KALRN: variants seen among roughly 807,000 people sequenced by gnomAD.
KALRN encodes the protein kalirin.
Under a neutral mutation model 353.7 loss-of-function variants are expected in KALRN, and 70 were observed. The observed-to-expected ratio is 0.20, with a 90% CI of 0.16 to 0.24. The LOEUF (loss-of-function observed/expected upper bound fraction) is 0.24, where lower values mean the gene tolerates loss of function less well. KALRN is among the 10% of genes least tolerant of loss of function. The pLI, the probability that KALRN is intolerant of heterozygous loss-of-function variation, is 1.00. For missense variants in KALRN, 2,791 were observed against 3,756.7 expected (o/e 0.74, Z 6.72); for synonymous variants, 1,391 against 1,434.8 (o/e 0.97, Z 0.69).
At chr3:124,642,878 G>T (rs1025916367) in intron 37 of KALRN, among the ~76,000 whole-genome samples, 1 of 138,072 alleles carries the variant, frequency 7.2e-6, no homozygotes, top group Non-Finnish European at 1.5e-5. Flanking sequence ...GTGCAATGGC[G>T]TGATCATGGC....
At chr3:124,091,830 A>G (rs1030031724) in intron 1 of KALRN, among the ~76,000 whole-genome samples, 1 of 152,162 alleles carries the variant, frequency 6.6e-6, no homozygotes, top group Admixed American at 6.5e-5. Context: ...CAACAACAAA[A>G]ACCTACTAAT....
At chr3:124,225,266 A>G (rs756631307) in intron 1 of KALRN, among the ~76,000 whole-genome samples, 3 of 152,218 alleles carry the variant, frequency 2.0e-5, no homozygotes, top group South Asian at 2.1e-4. Context: ...TTCAAAAGTT[A>G]TATGTAATTT....
In KALRN at chr3:124,217,333, C is replaced by A. The variant is rs114816611; in HGVS notation, c.74-10657C>A. Among the ~76,000 whole-genome samples the A allele has an allele frequency of 1.9e-3, 290 of 152,276 alleles. 1 individual carries two copies. The highest frequency in any genetic ancestry group is 6.5e-3 in the African/African-American group (271 of 41,546). The stretch of plus-strand genomic sequence containing the variant: ...AACTTAAATAGGGACTCAAAAATTG[C>A]TTAAAACTCCAGGAATCTTTCCATG... On this transcript the variant is annotated intron_variant, in intron 1 of 59. Coordinates refer to ENST00000682506, the MANE Select transcript of KALRN (RefSeq NM_001388419.1).
In KALRN at chr3:124,496,380, T is replaced by C; in HGVS notation, c.4902T>C (p.Ser1634=). 1.2e-6 allele frequency: 2 copies of C among 1,613,544 alleles called. No individual in the cohort carries two copies. Among genetic ancestry groups the C allele is most frequent in the Non-Finnish European group, 1.7e-6 (2 of 1,179,746 alleles). The change falls in exon 33 of 60, where the codon TCT becomes TCC. Residue 1634 remains serine (S), a synonymous_variant. Coordinates refer to ENST00000682506, the MANE Select transcript of KALRN (RefSeq NM_001388419.1). ...AACCAGACACCATCTCCATTGCTTC[T>C]AGGACCTCTCAGAACACAGTGGACA... ...SSQPDTISIA[S]RTSQNTVDSD...
intron 1 of KALRN, among the ~76,000 whole-genome samples, chr3:124,192,908 C>A (rs2075078310): frequency 6.6e-6 from 1 of 152,198 alleles, no homozygotes; most frequent in Admixed American, 6.5e-5. Context: ...GAAGCCCTAG[C>A]AAAGTAATAC....
intron 6 of KALRN, among the ~76,000 whole-genome samples, chr3:124,307,624 A>C (rs2077832095): frequency 6.6e-6 from 1 of 151,988 alleles, no homozygotes; most frequent in South Asian, 2.1e-4. Context: ...AATAACTCCC[A>C]AAATATAGTG....
At chr3:124,484,620 G>A (rs1225025012) in intron 28 of KALRN, among the ~76,000 whole-genome samples, 2 of 151,892 alleles carry the variant, frequency 1.3e-5, no homozygotes, top group Non-Finnish European at 2.9e-5. Flanking sequence ...GGGGTGTAGG[G>A]AATCCTCTCT....
intron 34 of KALRN, among the ~76,000 whole-genome samples, chr3:124,569,073 T>A (rs2073209694): frequency 6.6e-6 from 1 of 152,184 alleles, no homozygotes; most frequent in African/African-American, 2.4e-5. Context: ...GACACCTGTG[T>A]TCCTTTTCCT....
chr3:124,215,119 G>A (rs1051898509), intron 1 of KALRN, among the ~76,000 whole-genome samples: 3 of 152,304 alleles, frequency 2.0e-5, no homozygotes, highest in Admixed American at 6.5e-5. Context: ...GGCAGCTATG[G>A]TCATGGAGAT....
chr3:124,291,231 C>T (rs773490034), intron 5 of KALRN, among the ~76,000 whole-genome samples: 23 of 152,192 alleles, frequency 1.5e-4, no homozygotes, highest in Non-Finnish European at 2.8e-4. Flanking sequence ...GTAACAACTC[C>T]GTTGGCACAG....
At chr3:124,688,166 G>A (rs2061646887) in intron 51 of KALRN, among the ~76,000 whole-genome samples, 1 of 152,018 alleles carries the variant, frequency 6.6e-6, no homozygotes, top group Non-Finnish European at 1.5e-5. Context: ...GAAAAAATTA[G>A]TTGGATGTGG....
At chr3:124,279,762 C>G (rs2075156058) in intron 5 of KALRN, among the ~76,000 whole-genome samples, 1 of 152,226 alleles carries the variant, frequency 6.6e-6, no homozygotes, top group African/African-American at 2.4e-5. Flanking sequence ...GAGCTACATT[C>G]AGGCCTGGCC....
At chr3:124,263,759 A>G (rs1251444934) in intron 3 of KALRN, among the ~76,000 whole-genome samples, 1 of 152,194 alleles carries the variant, frequency 6.6e-6, no homozygotes, top group Non-Finnish European at 1.5e-5. Flanking sequence ...GTTTGGGCTT[A>G]GTGGCAAGAT....
At chr3:124,690,480 T>C (rs1236279998) in intron 51 of KALRN, among the ~76,000 whole-genome samples, 1 of 152,156 alleles carries the variant, frequency 6.6e-6, no homozygotes, top group African/African-American at 2.4e-5. Context: ...GATTTTAAAT[T>C]AAAGGACTGA....
chr3:124,269,735 A>G, intron 5 of KALRN, among the ~76,000 whole-genome samples: 1 of 152,166 alleles, frequency 6.6e-6, no homozygotes, highest in African/African-American at 2.4e-5. Context: ...TTGACAAACC[A>G]CTTTCACACA....
chr3:124,616,524 C>G (rs1273401872), intron 34 of KALRN, among the ~76,000 whole-genome samples: 1 of 152,142 alleles, frequency 6.6e-6, no homozygotes, highest in East Asian at 1.9e-4. Flanking sequence ...GGAATAATAG[C>G]CAAGCTCAAT....
At chr3:124,047,607 C>A (rs1424018453) in intron 1 of KALRN, among the ~76,000 whole-genome samples, 1 of 151,302 alleles carries the variant, frequency 6.6e-6, no homozygotes, top group African/African-American at 2.4e-5. Flanking sequence ...ATTCTCCTGC[C>A]CCAGCCTCCC....
At chr3:124,366,037 ATT>A (rs1345000846) in intron 10 of KALRN, among the ~76,000 whole-genome samples, 5 of 152,084 alleles carry the variant, frequency 3.3e-5, no homozygotes, top group Non-Finnish European at 5.9e-5. Flanking sequence ...ATAGGTGATC[ATT>A]TTTAGTGAGT....
At chr3:124,101,292 G>A in intron 1 of KALRN, among the ~76,000 whole-genome samples, 1 of 152,202 alleles carries the variant, frequency 6.6e-6, no homozygotes, top group East Asian at 1.9e-4. Context: ...GTCTGTCACT[G>A]TAGATGTCAA....
Sources: allele counts gnomAD v4.1 joint callset (sites outside exome capture counted in the v4.1 genomes callset), GRCh38; gene constraint gnomAD v4.1.1; transcripts MANE v1.5; gene names NCBI Gene and HGNC (gene_info 2026-07-23, HGNC 2026-07-21).